Variants in ACKR3 observed in about 807,000 individuals in gnomAD.
ACKR3 encodes the protein atypical chemokine receptor 3.
Under a neutral mutation model 22.4 loss-of-function variants are expected in ACKR3, and 6 were observed. That is an observed-to-expected ratio of 0.27 (90% CI 0.15 to 0.53). The LOEUF is 0.53. Ranked by LOEUF, ACKR3 falls within the 20% of genes least tolerant of loss-of-function variation. ACKR3 has a pLI of 0.96. For missense variants in ACKR3, 396 were observed against 475.2 expected (o/e 0.83, Z 1.55); for synonymous variants, 209 against 205.2 (o/e 1.02, Z -0.16).
the ACKR3 span, among the ~76,000 whole-genome samples, chr2:236,540,651 C>T: frequency 2.0e-5 from 3 of 152,082 alleles, no homozygotes; most frequent in African/African-American, 7.2e-5. Context: ...ATCTAGGATC[C>T]ATTTGGAATG....
chr2:236,545,693 A>G, the ACKR3 span, among the ~76,000 whole-genome samples: 2 of 152,258 alleles, frequency 1.3e-5, no homozygotes, highest in Non-Finnish European at 2.9e-5. The surrounding 1 kb of genome is among the most constrained non-coding windows in gnomAD (Gnocchi z 5.3). Flanking sequence ...ATTTCATGGT[A>G]TATGACACGG....
Position 236,575,841 on chromosome 2 carries a change from G to A in ACKR3, c.-26-4599G>A, listed in dbSNP as rs1054306919. On this transcript the variant is annotated intron_variant, in intron 1 of 1. Coordinates refer to ENST00000272928, the MANE Select transcript of ACKR3 (RefSeq NM_020311.3). ...CGTGCCTTTGTTGAAAGACATTTAC[G>A]TTGTCTCCAGTGTTTGCTCGTAAAT... 3.9e-5 allele frequency among the ~76,000 whole-genome samples: 6 copies of A among 152,268 alleles called. No individual in the cohort carries two copies. In the South Asian group the frequency reaches 6.2e-4, roughly 16 times the overall value.
the ACKR3 span, among the ~76,000 whole-genome samples, chr2:236,542,715 C>A: frequency 6.6e-6 from 1 of 152,194 alleles, no homozygotes; most frequent in Non-Finnish European, 1.5e-5. Context: ...TACTACCCCT[C>A]TTTATGTAGA....
chr2:236,566,191 G>A (rs1574969867), upstream of ACKR3, among the ~76,000 whole-genome samples: 1 of 152,222 alleles, frequency 6.6e-6, no homozygotes, highest in Non-Finnish European at 1.5e-5. Flanking sequence ...AGCAGACAGA[G>A]CTGACCACCT....
rs1691534879 is a variant in ACKR3, at chr2:236,581,447, A to G, written c.982A>G (p.Lys328Glu). 3.1e-6 allele frequency: 5 copies of G among 1,614,046 alleles called. No homozygotes were observed. Among genetic ancestry groups the G allele is most frequent in the Non-Finnish European group, 4.2e-6 (5 of 1,180,054 alleles). ...INRNYRYELM[K>E]AFIFKYSAKT... ...TCGCAACTACAGGTACGAGCTGATG[A>G]AGGCCTTCATCTTCAAGTACTCGGC... The change falls in exon 2 of 2, where the codon AAG becomes GAG. Residue 328 changes from lysine to glutamate, a missense_variant. Coordinates refer to ENST00000272928, the MANE Select transcript of ACKR3 (RefSeq NM_020311.3). The surrounding 1 kb of genome is among the most constrained non-coding windows in gnomAD (Gnocchi z 4.4).
chr2:236,570,249 G>T (rs1691279378), intron 1 of ACKR3, among the ~76,000 whole-genome samples: 1 of 152,212 alleles, frequency 6.6e-6, no homozygotes, highest in African/African-American at 2.4e-5. Flanking sequence ...GGGGAACTTT[G>T]CAAGAACACA....
chr2:236,552,517 G>A, the ACKR3 span, among the ~76,000 whole-genome samples: 5 of 152,156 alleles, frequency 3.3e-5, no homozygotes, highest in Non-Finnish European at 1.5e-5. Context: ...CACTATCGTG[G>A]CAGTGATTCA....
chr2:236,579,947 C>G (rs896557284), intron 1 of ACKR3, among the ~76,000 whole-genome samples: 19 of 152,338 alleles, frequency 1.2e-4, no homozygotes, highest in African/African-American at 4.6e-4. Context: ...ATTTGAAATG[C>G]TTTCATTAAG....
At chr2:236,539,274 CTT>C in the ACKR3 span, among the ~76,000 whole-genome samples, 1 of 139,578 alleles carries the variant, frequency 7.2e-6, no homozygotes, top group Non-Finnish European at 1.5e-5. Context: ...CTCTCTCTCT[CTT>C]TGTGTAAACA....
chr2:236,566,963 CTTCCTTCT>C (rs1691198233), upstream of ACKR3, among the ~76,000 whole-genome samples: 1 of 149,588 alleles, frequency 6.7e-6, no homozygotes, highest in East Asian at 2.0e-4. Context: ...TCCTTCCTTC[CTTCCTTCT>C]TTCCTTCCTT....
At chr2:236,556,631 C>A in the ACKR3 span, among the ~76,000 whole-genome samples, 1 of 152,202 alleles carries the variant, frequency 6.6e-6, no homozygotes, top group Non-Finnish European at 1.5e-5. Flanking sequence ...GGCAGCCCTG[C>A]TGGCACATTG....
intron 1 of ACKR3, among the ~76,000 whole-genome samples, chr2:236,571,289 A>G (rs903325156): frequency 1.3e-5 from 2 of 152,142 alleles, no homozygotes; most frequent in African/African-American, 4.8e-5. Context: ...AAACACTTGA[A>G]TGTGCACACA....
upstream of ACKR3, among the ~76,000 whole-genome samples, chr2:236,563,225 G>A (rs1691106851): frequency 1.3e-5 from 2 of 152,190 alleles, no homozygotes; most frequent in Admixed American, 1.3e-4. Context: ...GGCAAAATAG[G>A]GAGAGGACAA....
At chr2:236,573,746 G>C (rs1049414231) in intron 1 of ACKR3, among the ~76,000 whole-genome samples, 2 of 152,234 alleles carry the variant, frequency 1.3e-5, no homozygotes, top group Non-Finnish European at 2.9e-5. Flanking sequence ...CTGCAAAGCT[G>C]CCTGTGGGGT....
the ACKR3 span, among the ~76,000 whole-genome samples, chr2:236,540,751 A>G: frequency 1.3e-5 from 2 of 152,066 alleles, no homozygotes; most frequent in Admixed American, 1.3e-4. Flanking sequence ...TGAAGAGACC[A>G]CCCTTTCCTC....
chr2:236,580,563 T>A lies in ACKR3; in HGVS notation c.98T>A (p.Met33Lys), dbSNP rs1574978062. The stretch of plus-strand genomic sequence containing the variant: ...GACTGCATCGTGGTGGACACGGTGA[T>A]GTGTCCCAACATGCCCAACAAAAGC... ...SSDCIVVDTV[M>K]CPNMPNKSVL... The change falls in exon 2 of 2, where the codon ATG becomes AAG. Residue 33 changes from methionine to lysine, a missense_variant. Transcript: ENST00000272928. The A allele has an allele frequency of 6.2e-7, 1 of 1,614,228 alleles. No individual in the cohort carries two copies. Among genetic ancestry groups the A allele is most frequent in the Non-Finnish European group, 8.5e-7 (1 of 1,180,028 alleles).
chr2:236,562,207 T>C, the ACKR3 span, among the ~76,000 whole-genome samples: 1 of 152,244 alleles, frequency 6.6e-6, no homozygotes, highest in Non-Finnish European at 1.5e-5. Context: ...TTATCATGAA[T>C]TGATTTTGAA....
Position 236,577,030 on chromosome 2 carries a change from C to G in ACKR3, c.-26-3410C>G, listed in dbSNP as rs1053604803. Among the ~76,000 whole-genome samples the G allele has an allele frequency of 1.3e-5, 2 of 152,192 alleles. No homozygotes were observed. Among genetic ancestry groups the G allele is most frequent in the East Asian group, 1.9e-4 (1 of 5,198 alleles). ...GGAAGGGAGAGGCCCGTCCAGGCCC[C>G]GAGAGGAAAGCAGGTGGTCAGGGTG... is the stretch of plus-strand genomic sequence containing the variant. On this transcript the variant is annotated intron_variant, in intron 1 of 1. Transcript: ENST00000272928. This position sits in a 1 kb window ranked among gnomAD's most constrained non-coding sequence, Gnocchi z 5.6.
chr2:236,576,707 G>T (rs931048751), intron 1 of ACKR3, among the ~76,000 whole-genome samples: 1 of 152,252 alleles, frequency 6.6e-6, no homozygotes, highest in African/African-American at 2.4e-5. Context: ...GGCGGCCAGA[G>T]CCTTTGTCGC....
Sources: allele counts gnomAD v4.1 joint callset (sites outside exome capture counted in the v4.1 genomes callset), GRCh38; gene constraint gnomAD v4.1.1; non-coding constraint Gnocchi (gnomAD v3.1); transcripts MANE v1.5; gene names NCBI Gene and HGNC (gene_info 2026-07-23, HGNC 2026-07-21).